The following HSD17B11 variants were observed in gnomAD, a reference collection of about 807,000 sequenced individuals.
The protein encoded by HSD17B11 is estradiol 17-beta-dehydrogenase 11.
In HSD17B11, 22 loss-of-function variants were observed where a neutral mutation model predicts 27.8. That is an observed-to-expected ratio of 0.79 (90% CI 0.56 to 1.13). The LOEUF is 1.13. HSD17B11 is among the 50% of genes most tolerant of loss of function. The pLI, the probability that HSD17B11 is intolerant of heterozygous loss-of-function variation, is 0.00. For missense variants in HSD17B11, 314 were observed against 351.1 expected (o/e 0.89, Z 0.84); for synonymous variants, 117 against 132.8 (o/e 0.88, Z 0.82).
intron 5 of HSD17B11, among the ~76,000 whole-genome samples, chr4:87,347,016 C>G (rs952977699): frequency 6.6e-6 from 1 of 150,924 alleles, no homozygotes; most frequent in Admixed American, 6.6e-5. Context: ...CTGTATTATA[C>G]CTTTATAGTA....
intron 4 of HSD17B11, among the ~76,000 whole-genome samples, chr4:87,367,385 T>A (rs1337014575): frequency 6.6e-6 from 1 of 152,170 alleles, no homozygotes; most frequent in Non-Finnish European, 1.5e-5. Context: ...ACTTGGGACC[T>A]CAAAAGAAAA....
chr4:87,381,331 G>A (rs1472844444), intron 2 of HSD17B11, among the ~76,000 whole-genome samples: 1 of 152,046 alleles, frequency 6.6e-6, no homozygotes, highest in African/African-American at 2.4e-5. Context: ...TAAGGAATCT[G>A]CCCAGGTAAT....
At chr4:87,378,883 T>TATATATATATAA (rs1560769295) in intron 2 of HSD17B11, among the ~76,000 whole-genome samples, 1 of 12,954 alleles carries the variant, frequency 7.7e-5, no homozygotes, top group Non-Finnish European at 1.2e-4. Flanking sequence ...TATATATAAA[T>TATATATATATAA]ATATATATAT....
intron 5 of HSD17B11, among the ~76,000 whole-genome samples, chr4:87,343,952 G>A (rs1039020537): frequency 9.2e-5 from 14 of 152,054 alleles, no homozygotes; most frequent in African/African-American, 3.4e-4. Context: ...GCTCTCTAGG[G>A]GACAAAAATC....
intron 2 of HSD17B11, among the ~76,000 whole-genome samples, chr4:87,377,159 G>T (rs1423170824): frequency 6.6e-6 from 1 of 151,844 alleles, no homozygotes; most frequent in Non-Finnish European, 1.5e-5. Flanking sequence ...TTTAAAAAAA[G>T]ACTATTTGTA....
intron 5 of HSD17B11, among the ~76,000 whole-genome samples, chr4:87,342,307 A>G (rs78622189): frequency 0.063 from 9,603 of 151,344 alleles, 975 homozygotes; most frequent in African/African-American, 0.22. Context: ...ACTAGAACCC[A>G]GGAGGCAGAG....
At chr4:87,384,110 G>A (rs924137604) in intron 1 of HSD17B11, among the ~76,000 whole-genome samples, 1 of 152,186 alleles carries the variant, frequency 6.6e-6, no homozygotes, top group African/African-American at 2.4e-5. Context: ...TTTTTCTCCT[G>A]TGGGAAGTCA....
At chr4:87,356,400 A>G (rs1168579024) in intron 5 of HSD17B11, among the ~76,000 whole-genome samples, 1 of 152,244 alleles carries the variant, frequency 6.6e-6, no homozygotes, top group African/African-American at 2.4e-5. Flanking sequence ...ATTGCTCCCA[A>G]TAATCAATAC....
At chr4:87,378,948 TTATATATATATA>T (rs1491015421) in intron 2 of HSD17B11, among the ~76,000 whole-genome samples, 1,083 of 15,824 alleles carry the variant, frequency 0.068, 144 homozygotes, top group African/African-American at 0.15. Context: ...ATATATATAT[TTATATATATATA>T]TTTTTTTTTT....
At chr4:87,378,833 T>A (rs1196443861) in intron 2 of HSD17B11, among the ~76,000 whole-genome samples, 31 of 15,642 alleles carry the variant, frequency 2.0e-3, no homozygotes, top group African/African-American at 4.8e-3. Context: ...TATATATAAA[T>A]ATATATATAT....
intron 4 of HSD17B11, among the ~76,000 whole-genome samples, chr4:87,360,688 A>G (rs542950876): frequency 1.3e-5 from 2 of 152,276 alleles, no homozygotes; most frequent in South Asian, 2.1e-4. Context: ...CTTCTGGTAG[A>G]TATCTGGCCA....
intron 1 of HSD17B11, among the ~76,000 whole-genome samples, chr4:87,389,991 A>T (rs1431840229): frequency 6.6e-6 from 1 of 152,028 alleles, no homozygotes; most frequent in African/African-American, 2.4e-5. Context: ...ACAGGGTCTC[A>T]CTCTGTCACC....
intron 5 of HSD17B11, among the ~76,000 whole-genome samples, chr4:87,355,826 C>G (rs950698288): frequency 6.6e-6 from 1 of 151,914 alleles, no homozygotes; most frequent in Non-Finnish European, 1.5e-5. Context: ...GTCGCTTGAA[C>G]CTGGGAGGTG....
chr4:87,353,920 A>G (rs1418612523), intron 5 of HSD17B11, among the ~76,000 whole-genome samples: 1 of 152,198 alleles, frequency 6.6e-6, no homozygotes, highest in African/African-American at 2.4e-5. Flanking sequence ...AGTGAAGCTT[A>G]TCCTCACTAC....
chr4:87,382,373 C>CA lies in HSD17B11; in HGVS notation c.211-12dup. ...TTCCTCCAGTCCATGCTAGAAAAAG[C>CA]AAAAAAGAGGGCAAGGTAATAATTG... On this transcript the variant is annotated splice_polypyrimidine_tract_variant and intron_variant, in intron 1 of 6. Coordinates refer to ENST00000358290, the MANE Select transcript of HSD17B11 (RefSeq NM_016245.5). 1 of 1,542,824 alleles carries CA rather than the reference C, an allele frequency of 6.5e-7. No homozygotes were observed. Among genetic ancestry groups the CA allele is most frequent in the Non-Finnish European group, 8.9e-7 (1 of 1,125,574 alleles).
intron 1 of HSD17B11, among the ~76,000 whole-genome samples, chr4:87,388,394 C>T (rs905406437): frequency 6.6e-6 from 1 of 152,216 alleles, no homozygotes; most frequent in Non-Finnish European, 1.5e-5. Context: ...GGGGCTACTA[C>T]CTACCACTGT....
chr4:87,384,350 A>T (rs1387284658), intron 1 of HSD17B11, among the ~76,000 whole-genome samples: 2 of 152,206 alleles, frequency 1.3e-5, no homozygotes, highest in Non-Finnish European at 2.9e-5. Flanking sequence ...GTGTTTGAAC[A>T]ATATGAAATC....
chr4:87,378,919 A>AAT (rs1553960264), intron 2 of HSD17B11, among the ~76,000 whole-genome samples: 2 of 5,928 alleles, frequency 3.4e-4, no homozygotes, highest in East Asian at 5.0e-3. Flanking sequence ...TATATATATA[A>AAT]ATATATATAA....
At position 87,340,614 on chromosome 4, in the gene HSD17B11, CAG is replaced by C; in HGVS notation, c.696-10_696-9del. 1 of 1,578,908 alleles carries C rather than the reference CAG, an allele frequency of 6.3e-7. No homozygotes were observed. Among genetic ancestry groups the C allele is most frequent in the Non-Finnish European group, 8.7e-7 (1 of 1,152,746 alleles). On this transcript the variant is annotated splice_polypyrimidine_tract_variant and intron_variant, in intron 5 of 6. Coordinates refer to ENST00000358290, the MANE Select transcript of HSD17B11 (RefSeq NM_016245.5). Reference sequence around the variant, plus strand: ...TCCAGAGTGGGTCCCAAACTGAAATCAGAGTCAGTCTTCAGAAACAAAATACT... The same window carrying C: ...TCCAGAGTGGGTCCCAAACTGAAATCAGTCAGTCTTCAGAAACAAAATACT...
Sources: gnomAD v4.1 joint callset for allele counts (sites outside exome capture counted in the v4.1 genomes callset) on GRCh38, gnomAD v4.1.1 for gene constraint, MANE v1.5 for transcripts, NCBI Gene and HGNC (gene_info 2026-07-23, HGNC 2026-07-21) for gene names.